Variants in HOOK3 observed in about 807,000 individuals in gnomAD.
HOOK3 encodes hook microtubule tethering protein 3.
HOOK3 carries 24 observed loss-of-function variants against 116.3 expected under a neutral mutation model. That is an observed-to-expected ratio of 0.21 (90% confidence interval 0.15 to 0.29). HOOK3 has a LOEUF of 0.29. HOOK3 is among the 10% of genes least tolerant of loss of function. The pLI is 1.00. For synonymous variants in HOOK3, 275 were observed against 283.0 expected, an observed-to-expected ratio of 0.97 and a Z score of 0.28; for missense variants, 632 against 830.2, an observed-to-expected ratio of 0.76 and a Z score of 2.93.
rs190292004 is a variant in HOOK3 at position 42,978,079 on chromosome 8, T to C, written c.1321+3885T>C. ...TCTGCGAAATGAGAATCATAACTTATTTCTCCAGAGCCAGATGAAGAGTTT... is the reference window on the plus strand; with the variant it reads ...TCTGCGAAATGAGAATCATAACTTACTTCTCCAGAGCCAGATGAAGAGTTT... On this transcript the variant is annotated intron_variant, in intron 13 of 21. Transcript: ENST00000307602. 3.2e-4 allele frequency among the ~76,000 whole-genome samples: 48 copies of C among 152,280 alleles called. No homozygotes were observed. The East Asian group carries it at 7.5e-3, about 24-fold the overall frequency.
chr8:42,901,953 C>T (rs1807198799), intron 1 of HOOK3, among the ~76,000 whole-genome samples: 1 of 152,202 alleles, frequency 6.6e-6, no homozygotes, highest in Admixed American at 6.5e-5. Context: ...CAAGATCCAC[C>T]CGCCTCGGCT....
intron 13 of HOOK3, among the ~76,000 whole-genome samples, chr8:42,981,655 G>A (rs575355014): frequency 2.4e-4 from 37 of 151,882 alleles, no homozygotes; most frequent in Non-Finnish European, 5.3e-4. Context: ...AGGCTGAGGC[G>A]GGCAGATCGC....
rs1318259319 is a variant in HOOK3 at position 42,923,117 on chromosome 8, A to C, written c.144-2440A>C. The stretch of plus-strand genomic sequence containing the variant: ...ATAAGCACATGTGAAGATGCTCAGC[A>C]TCATTAGCCATTAGGGAAATGCAAA... On this transcript the variant is annotated intron_variant, in intron 2 of 21. Coordinates refer to ENST00000307602, the MANE Select transcript of HOOK3 (RefSeq NM_032410.4). 2.6e-5 allele frequency among the ~76,000 whole-genome samples: 4 copies of C among 152,374 alleles called. No homozygotes were observed. In the East Asian group the frequency reaches 7.7e-4, roughly 29 times the overall value.
At chr8:42,975,084 G>C (rs117608342) in intron 13 of HOOK3, among the ~76,000 whole-genome samples, 4 of 152,118 alleles carry the variant, frequency 2.6e-5, no homozygotes, top group Admixed American at 2.6e-4. Context: ...GGGGAGAGGC[G>C]GCTACGGGTG....
intron 9 of HOOK3, 151 bp downstream of exon 9, chr8:42,964,625 A>G (rs1398701673): frequency 7.9e-6 from 5 of 631,838 alleles, no homozygotes; most frequent in Non-Finnish European, 1.3e-5. Context: ...TCGGGGATTC[A>G]AAATCAGCTT....
rs1261711050 is a variant in HOOK3 at position 43,019,371 on chromosome 8, A to G, written c.*873A>G. Reference sequence around the variant, plus strand: ...CACATCTAAAAGAGTTATCTTTCATATATGTACAAGTTATTGGTAGTCTTA... The same window carrying G: ...CACATCTAAAAGAGTTATCTTTCATGTATGTACAAGTTATTGGTAGTCTTA... On this transcript the variant is annotated 3_prime_UTR_variant, in exon 22 of 22. Transcript: ENST00000307602. The G allele has an allele frequency of 4.7e-6, 1 of 214,548 alleles. No individual in the cohort carries two copies. The highest frequency in any genetic ancestry group is 7.0e-5 in the East Asian group (1 of 14,200). The allele number at this position is 214,548 out of a possible 1,614,324, so 13.3% of individuals were successfully genotyped here. A position where few individuals can be genotyped will look rare whatever the true frequency, so the allele number is the denominator to read the frequency against.
At position 43,013,383 on chromosome 8, in the gene HOOK3, A is replaced by T. The variant is rs758474192; in HGVS notation, c.1999A>T (p.Ser667Cys). The change falls in exon 21 of 22, where the codon AGT (serine) becomes TGT (cysteine). Residue 667 changes from serine to cysteine, a missense_variant. Physicochemically the swap from Ser to Cys is moderately radical, Grantham distance 112. This residue lies in a region of HOOK3 where 483 missense variants were observed against 648.1 expected (regional missense o/e 0.75). Transcript: ENST00000307602. Reference protein sequence around the residue: ...QREMEEKYIVSAWYNMGMTLH... With the variant: ...QREMEEKYIVCAWYNMGMTLH... ...AGAGATGGAAGAGAAATATATTGTTAGTGCCTGGTACAATATGGTAAGAAA... is the reference window on the plus strand; with the variant it reads ...AGAGATGGAAGAGAAATATATTGTTTGTGCCTGGTACAATATGGTAAGAAA... The T allele has an allele frequency of 6.3e-7, 1 of 1,586,522 alleles. No individual in the cohort carries two copies. The highest frequency in any genetic ancestry group is 1.2e-5 in the South Asian group (1 of 84,142).
chr8:43,018,062 C>G (rs1479648235), intron 21 of HOOK3, among the ~76,000 whole-genome samples: 1 of 152,132 alleles, frequency 6.6e-6, no homozygotes, highest in East Asian at 1.9e-4. Context: ...AAATCACTTT[C>G]TACATTTAAT....
At chr8:42,946,545 T>C (rs1446058346) in intron 5 of HOOK3, among the ~76,000 whole-genome samples, 1 of 152,136 alleles carries the variant, frequency 6.6e-6, no homozygotes, top group African/African-American at 2.4e-5. Flanking sequence ...CAAAGGTTTT[T>C]TTCTTGTTTC....
At chr8:42,949,723 T>G (rs1238618442) in intron 5 of HOOK3, among the ~76,000 whole-genome samples, 3 of 152,080 alleles carry the variant, frequency 2.0e-5, no homozygotes, top group Non-Finnish European at 4.4e-5. Flanking sequence ...ATTGAGACCA[T>G]CCTGGCCAAC....
intron 1 of HOOK3, among the ~76,000 whole-genome samples, chr8:42,900,548 G>A (rs1807165399): frequency 6.6e-6 from 1 of 152,032 alleles, no homozygotes; most frequent in Admixed American, 6.5e-5. Context: ...TAATTATTAT[G>A]GTGGTATCTC....
At chr8:42,941,831 C>G (rs1484671379) in intron 4 of HOOK3, among the ~76,000 whole-genome samples, 1 of 152,104 alleles carries the variant, frequency 6.6e-6, no homozygotes, top group Non-Finnish European at 1.5e-5. Flanking sequence ...CAAGTGCACT[C>G]CTACCTGACG....
chr8:42,976,365 C>T (rs142529113), intron 13 of HOOK3, among the ~76,000 whole-genome samples: 1,968 of 152,052 alleles, frequency 0.013, 44 homozygotes, highest in African/African-American at 0.045. Flanking sequence ...TAAAAATTAG[C>T]TGGGTATGGT....
At chr8:42,964,793 C>T (rs929192729) in intron 9 of HOOK3, among the ~76,000 whole-genome samples, 5 of 151,080 alleles carry the variant, frequency 3.3e-5, no homozygotes, top group Admixed American at 2.6e-4. Flanking sequence ...TGCCACTGCA[C>T]CCCAGCCTGG....
At chr8:42,908,963 C>A (rs976617752) in intron 2 of HOOK3, among the ~76,000 whole-genome samples, 2 of 152,092 alleles carry the variant, frequency 1.3e-5, no homozygotes, top group African/African-American at 4.8e-5. Context: ...ACCTGAATAT[C>A]AAGAGAACAG....
intron 13 of HOOK3, among the ~76,000 whole-genome samples, chr8:42,979,799 CT>C (rs1808900632): frequency 6.6e-6 from 1 of 152,066 alleles, no homozygotes; most frequent in African/African-American, 2.4e-5. Flanking sequence ...TTTTTTTTCC[CT>C]ATTCCAGATT....
At chr8:43,006,247 C>G (rs1015380720) in intron 17 of HOOK3, among the ~76,000 whole-genome samples, 1 of 140,212 alleles carries the variant, frequency 7.1e-6, no homozygotes, top group Admixed American at 7.2e-5. Context: ...GTCTTGTTCT[C>G]CTGACCTCGT....
At chr8:42,964,672 C>G (rs1563302624) in intron 9 of HOOK3, among the ~76,000 whole-genome samples, 198 bp downstream of exon 9, 1 of 151,718 alleles carries the variant, frequency 6.6e-6, no homozygotes, top group African/African-American at 2.4e-5. Flanking sequence ...ACTAAAAATA[C>G]AAAAATTAGC....
chr8:42,930,227 T>C (rs994882478), intron 4 of HOOK3, 55 bp downstream of exon 4: 7 of 1,390,522 alleles, frequency 5.0e-6, no homozygotes, highest in Middle Eastern at 2.0e-4. Context: ...TAGTTTAATT[T>C]TATAATAGTT....
Sources: gnomAD v4.1 joint callset for allele counts (sites outside exome capture counted in the v4.1 genomes callset) on GRCh38, gnomAD v4.1.1 for gene constraint, gnomAD v4.1.1 regional missense constraint, MANE v1.5 for transcripts, NCBI Gene and HGNC (gene_info 2026-07-23, HGNC 2026-07-21) for gene names.